The following VAMP4 variants were observed in gnomAD, a reference collection of about 807,000 sequenced individuals.
VAMP4 encodes vesicle-associated membrane protein 4.
Under a neutral mutation model 23.5 loss-of-function variants are expected in VAMP4, and 19 were observed. That is an observed-to-expected ratio of 0.81 (90% CI 0.56 to 1.19). The LOEUF (loss-of-function observed/expected upper bound fraction) is 1.19. Among genes scored for constraint, VAMP4 ranks in the 50% most tolerant of loss-of-function variants. The pLI is 0.00. For missense variants in VAMP4, 145 were observed against 168.6 expected (o/e 0.86, Z 0.78); for synonymous variants, 31 against 51.0 (o/e 0.61, Z 1.67).
intron 3 of VAMP4, among the ~76,000 whole-genome samples, chr1:171,726,878 T>C (rs1641349658): frequency 6.6e-6 from 1 of 152,134 alleles, no homozygotes; most frequent in Admixed American, 6.5e-5. Flanking sequence ...GGTTAAGTTA[T>C]AGATTTGTAG....
At chr1:171,705,225 G>A (rs973280439) in intron 7 of VAMP4, among the ~76,000 whole-genome samples, 28 of 152,078 alleles carry the variant, frequency 1.8e-4, no homozygotes, top group African/African-American at 6.5e-4. Context: ...TATTGATTCA[G>A]TAACACTGTG....
At chr1:171,741,588 C>T (rs1655926042) in intron 1 of VAMP4, among the ~76,000 whole-genome samples, 1 of 151,886 alleles carries the variant, frequency 6.6e-6, no homozygotes, top group Admixed American at 6.6e-5. Context: ...CATTGTACCC[C>T]CTGGAATTCC....
chr1:171,707,008 A>G (rs1413852981), intron 6 of VAMP4, among the ~76,000 whole-genome samples: 1 of 152,216 alleles, frequency 6.6e-6, no homozygotes. Context: ...GAATGAAAAC[A>G]TCAATATCAA....
At chr1:171,705,475 C>T (rs6695031) in intron 7 of VAMP4, among the ~76,000 whole-genome samples, 22,570 of 152,034 alleles carry the variant, frequency 0.15, 1,913 homozygotes, top group East Asian at 0.25. Context: ...AATAAAAAGG[C>T]AGAAATGGCT....
At chr1:171,704,618 T>C (rs1439845546) in intron 7 of VAMP4, 84 bp from the exon 8 acceptor site, 16 of 1,066,744 alleles carry the variant, frequency 1.5e-5, no homozygotes, top group Admixed American at 2.9e-5. Context: ...AATGTAGTTG[T>C]GTCTACTTTT....
chr1:171,737,924 AATTAGG>A (rs1282297569), intron 2 of VAMP4, among the ~76,000 whole-genome samples: 1 of 152,180 alleles, frequency 6.6e-6, no homozygotes, highest in African/African-American at 2.4e-5. Flanking sequence ...TGAAGAAAAC[AATTAGG>A]ATTAGAATAT....
intron 4 of VAMP4, among the ~76,000 whole-genome samples, chr1:171,712,042 C>T (rs970986461): frequency 1.3e-5 from 2 of 152,112 alleles, no homozygotes; most frequent in Non-Finnish European, 2.9e-5. Flanking sequence ...GTGTAGCAGA[C>T]TACACCATGT....
intron 7 of VAMP4, among the ~76,000 whole-genome samples, chr1:171,705,610 C>T (rs1304453225): frequency 6.6e-6 from 1 of 152,018 alleles, no homozygotes. Flanking sequence ...ATAAATTTTA[C>T]CTGGTAACTG....
chr1:171,738,998 C>A (rs2124873238), intron 1 of VAMP4, among the ~76,000 whole-genome samples: 1 of 152,316 alleles, frequency 6.6e-6, no homozygotes, highest in Admixed American at 6.5e-5. Context: ...TTGGTAAGTA[C>A]TGGTGTGATA....
chr1:171,717,586 C>T (rs1033124402), intron 4 of VAMP4, among the ~76,000 whole-genome samples: 102 of 151,708 alleles, frequency 6.7e-4, no homozygotes, highest in African/African-American at 2.2e-3. Context: ...AATAGAGTAT[C>T]CCACAATTTG....
At chr1:171,710,568 G>T in intron 5 of VAMP4, 146 bp downstream of exon 5, 1 of 539,806 alleles carries the variant, frequency 1.9e-6, no homozygotes, top group East Asian at 3.4e-5. Context: ...CAAAGTAAAG[G>T]AGTTAAAATT....
At chr1:171,729,556 G>A (rs974245402) in intron 2 of VAMP4, among the ~76,000 whole-genome samples, 2 of 152,156 alleles carry the variant, frequency 1.3e-5, no homozygotes, top group African/African-American at 4.8e-5. Flanking sequence ...TCAGATTTGG[G>A]AGCATTTTGG....
intron 4 of VAMP4, among the ~76,000 whole-genome samples, chr1:171,717,380 T>C (rs1655054252): frequency 6.6e-6 from 1 of 152,156 alleles, no homozygotes; most frequent in Non-Finnish European, 1.5e-5. Flanking sequence ...TGAGTCCTGG[T>C]AGAATGCTTG....
intron 6 of VAMP4, 65 bp downstream of exon 6, chr1:171,709,600 C>A (rs1384144845): frequency 6.8e-6 from 10 of 1,473,796 alleles, no homozygotes; most frequent in East Asian, 2.4e-5. Context: ...GCCCTTTTTT[C>A]TTCATGTGTT....
intron 4 of VAMP4, among the ~76,000 whole-genome samples, chr1:171,712,516 C>T (rs141547286): frequency 1.6e-3 from 249 of 152,260 alleles, no homozygotes; most frequent in African/African-American, 5.5e-3. Context: ...GCATTATGTA[C>T]ACCCACTGAT....
At chr1:171,722,084 C>A (rs1267030900) in intron 3 of VAMP4, among the ~76,000 whole-genome samples, 2 of 152,006 alleles carry the variant, frequency 1.3e-5, no homozygotes, top group African/African-American at 4.8e-5. Flanking sequence ...AGAATAGTGC[C>A]CTCAGAAATA....
chr1:171,710,719 T>G lies in VAMP4; in HGVS notation c.260A>C (p.Lys87Thr), dbSNP rs756061887. The G allele has an allele frequency of 1.9e-6, 3 of 1,599,876 alleles. No individual in the cohort carries two copies. Among genetic ancestry groups the G allele is most frequent in the Non-Finnish European group, 2.6e-6 (3 of 1,172,458 alleles). ...AAATACATGAAGATCTGTACCTGAT[T>G]TGTCCTGTAGTTCATCTAGTCTCTC... is the stretch of plus-strand genomic sequence containing the variant. ...RGERLDELQD[K>T]SESLSDNATA... The change falls in exon 5 of 8, where the codon AAA becomes ACA. Residue 87 changes from lysine to threonine, a missense_variant. Coordinates refer to ENST00000236192, the MANE Select transcript of VAMP4 (RefSeq NM_003762.5).
chr1:171,706,278 C>G, intron 7 of VAMP4, 89 bp downstream of exon 7: 2 of 1,243,114 alleles, frequency 1.6e-6, no homozygotes, highest in Non-Finnish European at 2.3e-6. Context: ...TGACTTCAGA[C>G]ATACTAGGTC....
rs142978939 is a variant in VAMP4, at chr1:171,723,846, T to C, written c.114-4625A>G. Among the ~76,000 whole-genome samples, 1,098 of 152,248 alleles carry C rather than the reference T, an allele frequency of 7.2e-3. 17 individuals carry two copies. Among genetic ancestry groups the C allele is most frequent in the African/African-American group, 0.025 (1,045 of 41,546 alleles). ...AATCTTCACAATTTATGTTCAGAGA[T>C]TGCAATAAAGACAGGTGTAAGAAAT... On this transcript the variant is annotated intron_variant, in intron 3 of 7. Coordinates refer to ENST00000236192, the MANE Select transcript of VAMP4 (RefSeq NM_003762.5).
Sources: allele counts gnomAD v4.1 joint callset (sites outside exome capture counted in the v4.1 genomes callset), GRCh38; gene constraint gnomAD v4.1.1; transcripts MANE v1.5; gene names NCBI Gene and HGNC (gene_info 2026-07-23, HGNC 2026-07-21).